Variants in ADSL observed in about 807,000 individuals in gnomAD.
ADSL encodes the protein adenylosuccinase.
Under a neutral mutation model 62.1 loss-of-function variants are expected in ADSL, and 44 were observed. The observed-to-expected ratio is 0.71, with a 90% CI of 0.56 to 0.91. The LOEUF (loss-of-function observed/expected upper bound fraction) is 0.91, where lower values mean the gene tolerates loss of function less well. Among genes scored for constraint, ADSL ranks in the 40% least tolerant of loss-of-function variants. ADSL has a pLI of 0.00. For synonymous variants in ADSL, 198 were observed against 220.5 expected (o/e 0.90, Z 0.90); for missense variants, 531 against 627.4 (o/e 0.85, Z 1.64).
intron 6 of ADSL, 75 bp from the exon 7 acceptor site, chr22:40,360,327 C>T (rs1357532206): frequency 3.9e-6 from 5 of 1,272,206 alleles, no homozygotes; most frequent in Non-Finnish European, 5.7e-6. Context: ...TCCTAAGTAG[C>T]TGGGACTACA....
intron 2 of ADSL, among the ~76,000 whole-genome samples, chr22:40,386,027 T>G (rs560090069): frequency 6.8e-4 from 71 of 104,942 alleles, no homozygotes; most frequent in East Asian, 3.4e-3. Context: ...AATTTTTTGT[T>G]TTTTTTTTTG....
intron 2 of ADSL, among the ~76,000 whole-genome samples, chr22:40,374,859 T>G (rs1174600392): frequency 6.6e-6 from 1 of 152,210 alleles, no homozygotes; most frequent in Non-Finnish European, 1.5e-5. Flanking sequence ...CACTCCAGCC[T>G]GGGGAAGAGA....
rs2045018637 is a variant in ADSL at position 40,366,683 on chromosome 22, C to G, written c.*161C>G. ...TGTTTCTCAGTCTCACATTTCTCAA[C>G]AAGGCAAAAACAAAGAGCGTTGAAG... On this transcript the variant is annotated 3_prime_UTR_variant, in exon 13 of 13. Transcript: ENST00000623063. The G allele has an allele frequency of 7.8e-6, 5 of 644,420 alleles. No homozygotes were observed. In the South Asian group the frequency reaches 8.7e-5, roughly 11 times the overall value. The allele number at this position is 644,420 out of a possible 1,614,324, so 39.9% of individuals were successfully genotyped here.
chr22:40,362,938 A>G (rs570928159), intron 9 of ADSL, 43 bp from the exon 10 acceptor site: 117 of 1,550,484 alleles, frequency 7.5e-5, no homozygotes, highest in Non-Finnish European at 9.8e-5. Flanking sequence ...TTTCACTGAA[A>G]TTATTTGTTT....
In ADSL at chr22:40,346,705, C is replaced by G. The variant is rs761172321; in HGVS notation, c.147C>G (p.Ala49=). Residue 49 remains alanine, a synonymous_variant, in exon 1 of 13, where the codon GCC becomes GCG. Transcript: ENST00000623063. ...WRQLWLWLAE[A]EQTLGLPITD... is the part of the protein sequence containing the mutation. ...AGCTGTGGCTGTGGCTGGCGGAGGC[C>G]GAGCAGGTAACGGATCCCGGGCTGA... 6.2e-7 allele frequency: 1 copy of G among 1,604,704 alleles called. No homozygotes were observed. Among genetic ancestry groups the G allele is most frequent in the East Asian group, 2.2e-5 (1 of 44,598 alleles).
At chr22:40,372,851 AT>A (rs1265716750), downstream of ADSL, 1 of 152,222 alleles carries the variant, frequency 6.6e-6, no homozygotes, top group Non-Finnish European at 1.5e-5. Flanking sequence ...ACATTTGATA[AT>A]TTAACATCAG....
intron 1 of ADSL, 100 bp from the exon 2 acceptor site, chr22:40,349,732 G>A: frequency 9.8e-7 from 1 of 1,018,200 alleles, no homozygotes; most frequent in Non-Finnish European, 1.5e-6. Context: ...GGGAGATAGG[G>A]TAGTGCTGCT....
At chr22:40,361,222 C>G (rs1383852300) in intron 7 of ADSL, 51 bp from the exon 8 acceptor site, 1 of 1,554,578 alleles carries the variant, frequency 6.4e-7, no homozygotes, top group South Asian at 1.1e-5. Flanking sequence ...CTCCCAGACT[C>G]TACTGCACAC....
intron 2 of ADSL, chr22:40,376,356 A>G (rs566658086): frequency 1.3e-5 from 2 of 151,934 alleles, no homozygotes; most frequent in East Asian, 3.9e-4. Flanking sequence ...TGGCATGATC[A>G]TAGCTCACTG....
At chr22:40,359,239 G>T in intron 5 of ADSL, 21 bp from the exon 6 acceptor site, 1 of 1,613,572 alleles carries the variant, frequency 6.2e-7, no homozygotes. Flanking sequence ...TTATTATAAG[G>T]ATGTGTCTTT....
At chr22:40,356,351 A>G (rs1282373358) in intron 4 of ADSL, among the ~76,000 whole-genome samples, 2 of 152,072 alleles carry the variant, frequency 1.3e-5, no homozygotes, top group Non-Finnish European at 2.9e-5. Context: ...CTTGGCCAAC[A>G]TGGTGAAACT....
chr22:40,354,796 G>T (rs1023919231), intron 4 of ADSL, among the ~76,000 whole-genome samples: 2 of 151,442 alleles, frequency 1.3e-5, no homozygotes, highest in Non-Finnish European at 2.9e-5. Flanking sequence ...TTGAACCCGG[G>T]ACGCGGAGGT....
downstream of ADSL, among the ~76,000 whole-genome samples, chr22:40,370,920 C>T (rs1018841785): frequency 3.9e-5 from 6 of 152,180 alleles, no homozygotes; most frequent in Non-Finnish European, 7.4e-5. Context: ...CTGCGTCCTC[C>T]GGTGCGGCCG....
At chr22:40,349,639 G>A (rs914628362) in intron 1 of ADSL, among the ~76,000 whole-genome samples, 193 bp from the exon 2 acceptor site, 3 of 152,026 alleles carry the variant, frequency 2.0e-5, no homozygotes, top group Non-Finnish European at 4.4e-5. Context: ...TCATTGAGAA[G>A]TTCTCTCCCA....
chr22:40,380,961 A>G (rs1298902205), intron 2 of ADSL, among the ~76,000 whole-genome samples: 1 of 152,076 alleles, frequency 6.6e-6, no homozygotes, highest in Non-Finnish European at 1.5e-5. Flanking sequence ...TTAAAAATAC[A>G]AGTTGCTGCA....
chr22:40,354,378 T>G (rs2044469676), intron 4 of ADSL, 51 bp downstream of exon 4: 2 of 1,375,714 alleles, frequency 1.5e-6, no homozygotes, highest in East Asian at 4.6e-5. Context: ...TTCAGCTGCT[T>G]CTTGAGTTCT....
In ADSL at chr22:40,350,208, C is replaced by T. The variant is rs8192456; in HGVS notation, c.357+173C>T. On this transcript the variant is annotated intron_variant, in intron 2 of 12. Coordinates refer to ENST00000623063, the MANE Select transcript of ADSL (RefSeq NM_000026.4). The stretch of plus-strand genomic sequence containing the variant: ...GCAGTGGCACGGCTCACTGCAAGCT[C>T]CGCCTCCTGGGTTCACACCATTCTC... 79,571 of 622,700 alleles carry T rather than the reference C, an allele frequency of 0.13. 5,774 individuals are homozygous for T. Among genetic ancestry groups the T allele is most frequent in the South Asian group, 0.17 (8,488 of 50,440 alleles). The allele number at this position is 622,700 out of a possible 1,614,324, so 38.6% of individuals were successfully genotyped here.
chr22:40,361,780 A>C (rs1327029943), intron 9 of ADSL, 145 bp downstream of exon 9: 3 of 1,043,446 alleles, frequency 2.9e-6, no homozygotes, highest in Non-Finnish European at 2.9e-6. Flanking sequence ...AAAACATAAA[A>C]AGGACAGTGT....
At chr22:40,383,489 T>C (rs1456813251) in intron 2 of ADSL, among the ~76,000 whole-genome samples, 1 of 145,816 alleles carries the variant, frequency 6.9e-6, no homozygotes, top group African/African-American at 2.5e-5. Flanking sequence ...AAAAAGTCAG[T>C]AGGAACAAGT....
Sources: gnomAD v4.1 joint callset for allele counts (sites outside exome capture counted in the v4.1 genomes callset) on GRCh38, gnomAD v4.1.1 for gene constraint, MANE v1.5 for transcripts, NCBI Gene and HGNC (gene_info 2026-07-23, HGNC 2026-07-21) for gene names.